The following MYT1L variants were observed in gnomAD, a reference collection of about 807,000 sequenced individuals.
MYT1L encodes the protein myelin transcription factor 1-like protein.
A neutral mutation model predicts 126.7 loss-of-function variants in MYT1L; 12 were observed. That is an observed-to-expected ratio of 0.09 (90% confidence interval 0.06 to 0.15). MYT1L has a LOEUF of 0.15. Ranked by LOEUF, MYT1L falls within the 10% of genes least tolerant of loss-of-function variation. The probability of loss-of-function intolerance (pLI) is 1.00; values close to 1 mark genes in which losing one functional copy is unlikely to be tolerated. For synonymous variants in MYT1L, 541 were observed against 604.2 expected (o/e 0.90, Z 1.53); for missense variants, 979 against 1,585.2 (o/e 0.62, Z 6.49).
intron 3 of MYT1L, among the ~76,000 whole-genome samples, chr2:2,144,547 G>A (rs1204002233): frequency 6.6e-6 from 1 of 152,220 alleles, no homozygotes; most frequent in African/African-American, 2.4e-5. Flanking sequence ...TGTGAGTGAA[G>A]TGGAAAGTAA....
intron 3 of MYT1L, among the ~76,000 whole-genome samples, chr2:2,123,859 C>T (rs1376218272): frequency 1.3e-5 from 2 of 152,088 alleles, no homozygotes; most frequent in South Asian, 2.1e-4. Context: ...GAGAAGTAGA[C>T]GTGATGGTGA....
In MYT1L at chr2:2,037,009, G is replaced by C. The variant is rs186818102; in HGVS notation, c.-158+16969C>G. 2.0e-3 allele frequency among the ~76,000 whole-genome samples: 299 copies of C among 152,260 alleles called. 8 individuals carry two copies. The highest frequency in any genetic ancestry group is 9.7e-4 in the East Asian group (5 of 5,180). On this transcript the variant is annotated intron_variant, in intron 4 of 24. Coordinates refer to ENST00000647738, the MANE Select transcript of MYT1L (RefSeq NM_001303052.2). ...TCCCTTGGTTCTCCCAATACACCTG[G>C]CTCAGCAGTGTCCGAGGGTCCTTCC...
Position 2,307,687 on chromosome 2 carries a change from A to G in MYT1L, c.-520-23184T>C, listed in dbSNP as rs1025097864. ...CTATACTCCACCTATGCTTCAGCATACTGTATCTATACTCCACCCATGTTT... is the reference window on the plus strand; with the variant it reads ...CTATACTCCACCTATGCTTCAGCATGCTGTATCTATACTCCACCCATGTTT... On this transcript the variant is annotated intron_variant, in intron 1 of 24. Coordinates refer to ENST00000647738, the MANE Select transcript of MYT1L (RefSeq NM_001303052.2). Among the ~76,000 whole-genome samples the G allele has an allele frequency of 6.0e-4, 91 of 151,898 alleles. 1 individual carries two copies. Among genetic ancestry groups the G allele is most frequent in the African/African-American group, 2.2e-3 (89 of 41,314 alleles).
intron 2 of MYT1L, among the ~76,000 whole-genome samples, chr2:2,207,706 T>C (rs2093367879): frequency 1.3e-5 from 2 of 152,208 alleles, no homozygotes; most frequent in Non-Finnish European, 2.9e-5. Context: ...CAGGATCTGA[T>C]GCAGGCTGTG....
rs138614804 is a variant in MYT1L at position 2,064,565 on chromosome 2, C to A, written c.-303-10442G>T. 6.0e-3 allele frequency among the ~76,000 whole-genome samples: 915 copies of A among 152,210 alleles called. 11 individuals carry two copies. The highest frequency in any genetic ancestry group is 0.02 in the African/African-American group (841 of 41,496). ...AAAGTATCTGTGTACAGAGAGGAGA[C>A]TTTAAGATATTGCTCAGGGAGTTTT... On this transcript the variant is annotated intron_variant, in intron 3 of 24. Coordinates refer to ENST00000647738, the MANE Select transcript of MYT1L (RefSeq NM_001303052.2).
chr2:2,324,305 C>T (rs1228379702), intron 1 of MYT1L: 3 of 152,262 alleles, frequency 2.0e-5, no homozygotes, highest in South Asian at 2.1e-4. Context: ...ACGGCAGCCA[C>T]CCCTGCCTTC....
At chr2:1,927,900 A>C (rs1270823047) in intron 9 of MYT1L, among the ~76,000 whole-genome samples, 1 of 147,806 alleles carries the variant, frequency 6.8e-6, no homozygotes. Flanking sequence ...ATGGTGTTTT[A>C]ATAGCAATCG....
intron 4 of MYT1L, among the ~76,000 whole-genome samples, chr2:2,007,015 T>G (rs1574464701): frequency 6.6e-6 from 1 of 152,134 alleles, no homozygotes; most frequent in East Asian, 1.9e-4. Context: ...GATTGCATTC[T>G]TCTTAAGGCT....
At chr2:2,237,541 G>A (rs2094348794) in intron 2 of MYT1L, among the ~76,000 whole-genome samples, 1 of 152,174 alleles carries the variant, frequency 6.6e-6, no homozygotes, top group Non-Finnish European at 1.5e-5. Context: ...GTTTTAAGTT[G>A]CTTAAAATGC....
At chr2:2,030,130 C>T (rs1045613240) in intron 4 of MYT1L, among the ~76,000 whole-genome samples, 11 of 152,164 alleles carry the variant, frequency 7.2e-5, no homozygotes, top group African/African-American at 2.7e-4. Flanking sequence ...TGGAGTCTTG[C>T]TCTGTCGCCC....
At position 1,910,264 on chromosome 2, in the gene MYT1L, C is replaced by G; in HGVS notation, c.1793G>C (p.Ser598Thr). The change falls in exon 13 of 25, where the codon AGC becomes ACC. Residue 598 changes from serine (S) to threonine (T), a missense_variant. Physicochemically the swap from Ser to Thr is moderately conservative, Grantham distance 58. Coordinates refer to ENST00000647738, the MANE Select transcript of MYT1L (RefSeq NM_001303052.2). The surrounding 1 kb of genome is among the most constrained non-coding windows in gnomAD (Gnocchi z 4.8). ...CCTGAGCACGCGGTCCGAGGCCTGG[C>G]TGGACTTGGACACGTCGCAGCTCTG... ...KHQSCDVSKS[S>T]QASDRVLRPM... The G allele has an allele frequency of 6.2e-7, 1 of 1,613,284 alleles. No homozygotes were observed. The highest frequency in any genetic ancestry group is 8.5e-7 in the Non-Finnish European group (1 of 1,179,894).
intron 8 of MYT1L, among the ~76,000 whole-genome samples, chr2:1,961,820 A>C (rs2058984124): frequency 6.6e-6 from 1 of 152,232 alleles, no homozygotes; most frequent in Admixed American, 6.5e-5. Flanking sequence ...TTCCCAGCAC[A>C]ATATAAAGGA....
At chr2:2,160,005 G>A (rs532435973) in intron 3 of MYT1L, among the ~76,000 whole-genome samples, 1 of 152,154 alleles carries the variant, frequency 6.6e-6, no homozygotes, top group East Asian at 1.9e-4. Context: ...TGTGGCCATG[G>A]GTGAGCGGCA....
At chr2:1,870,325 G>A (rs1368658489) in intron 18 of MYT1L, among the ~76,000 whole-genome samples, 5 of 152,120 alleles carry the variant, frequency 3.3e-5, no homozygotes, top group Admixed American at 3.3e-4. Flanking sequence ...TGGGGGATAG[G>A]TCTTTCCCTG....
intron 21 of MYT1L, among the ~76,000 whole-genome samples, chr2:1,837,106 G>C (rs2041008370): frequency 6.6e-6 from 1 of 152,168 alleles, no homozygotes; most frequent in Non-Finnish European, 1.5e-5. Context: ...CATGGAAAAA[G>C]GGGCAGGACA....
chr2:1,819,813 C>T (rs2038244171), intron 21 of MYT1L, among the ~76,000 whole-genome samples: 1 of 152,204 alleles, frequency 6.6e-6, no homozygotes, highest in South Asian at 2.1e-4. Context: ...GAATTTAGGT[C>T]TGGGTGCAAC....
intron 21 of MYT1L, among the ~76,000 whole-genome samples, chr2:1,822,472 G>A (rs1459935726): frequency 6.6e-6 from 1 of 152,218 alleles, no homozygotes. Flanking sequence ...TGTGTCCACT[G>A]TCAGCCCCTC....
chr2:1,814,369 G>A (rs1441378574), intron 21 of MYT1L, among the ~76,000 whole-genome samples: 1 of 152,284 alleles, frequency 6.6e-6, no homozygotes, highest in East Asian at 1.9e-4. Flanking sequence ...AATCCCCTGC[G>A]CCCTGGAGCG....
chr2:1,835,324 A>G (rs2040738688), intron 21 of MYT1L, among the ~76,000 whole-genome samples: 1 of 152,216 alleles, frequency 6.6e-6, no homozygotes, highest in Non-Finnish European at 1.5e-5. Flanking sequence ...GTCAACTTAC[A>G]CAAGGCCTAG....
Sources: gnomAD v4.1 joint callset for allele counts (sites outside exome capture counted in the v4.1 genomes callset) on GRCh38, gnomAD v4.1.1 for gene constraint, Gnocchi (gnomAD v3.1) non-coding constraint, MANE v1.5 for transcripts, NCBI Gene and HGNC (gene_info 2026-07-23, HGNC 2026-07-21) for gene names.